HDX: variants seen among roughly 807,000 people sequenced by gnomAD.
The protein encoded by HDX is highly divergent homeobox, also known as chromosome X open reading frame 43.
In HDX, 19 loss-of-function variants were observed where a neutral mutation model predicts 45.2. The ratio of observed to expected loss-of-function variants is 0.42; its 90% CI spans 0.29 to 0.62. The LOEUF (loss-of-function observed/expected upper bound fraction) is 0.62. HDX is among the 20% of genes least tolerant of loss of function. The pLI, the probability that HDX is intolerant of heterozygous loss-of-function variation, is 0.20. For missense variants in HDX, 532 were observed against 493.9 expected, an observed-to-expected ratio of 1.08 and a Z score of -0.73; for synonymous variants, 188 against 172.8, an observed-to-expected ratio of 1.09 and a Z score of -0.69.
At position 84,374,365 on chromosome X, in the gene HDX, C is replaced by T. The variant is rs866096331; in HGVS notation, c.1306-12753G>A. The stretch of plus-strand genomic sequence containing the variant: ...TAATTTATAGATTCAATGCCATCCC[C>T]ATCAAGCTACCAATGATCTTCTTCA... On this transcript the variant is annotated intron_variant, in intron 5 of 10. Transcript: ENST00000373177. Among the ~76,000 whole-genome samples the T allele has an allele frequency of 2.0e-4, 22 of 109,641 alleles. No homozygotes were observed. In the Middle Eastern group the frequency reaches 0.019, roughly 94 times the overall value.
chrX:84,419,488 T>C (rs1480707570), intron 5 of HDX, among the ~76,000 whole-genome samples: 1 of 111,970 alleles, frequency 8.9e-6, no homozygotes. Context: ...AACTGCATCT[T>C]GGTGTCTGAG....
intron 5 of HDX, among the ~76,000 whole-genome samples, chrX:84,362,442 GT>G (rs536462643): frequency 2.8e-5 from 3 of 109,088 alleles, no homozygotes; most frequent in African/African-American, 1.0e-4. Context: ...TTTTCTAGTT[GT>G]TTTTTTTTCC....
chrX:84,494,957 G>A (rs962394436), intron 1 of HDX, among the ~76,000 whole-genome samples: 46 of 111,373 alleles, frequency 4.1e-4, no homozygotes, highest in African/African-American at 1.5e-3. Context: ...TCTATCAACA[G>A]ATGAATGGAT....
chrX:84,388,036 T>A lies in HDX; in HGVS notation c.1306-26424A>T, dbSNP rs1376910808. On this transcript the variant is annotated intron_variant, in intron 5 of 10. Coordinates refer to ENST00000373177, the MANE Select transcript of HDX (RefSeq NM_001177479.2). Reference sequence around the variant, plus strand: ...TATCATTTGCTTGTCTGAGAAGGATTTTGTTTCTTTTCTGTTTATGAAGTT... The same window carrying A: ...TATCATTTGCTTGTCTGAGAAGGATATTGTTTCTTTTCTGTTTATGAAGTT... 2.5e-4 allele frequency among the ~76,000 whole-genome samples: 28 copies of A among 111,746 alleles called. No individual in the cohort carries two copies. The Admixed American group carries it at 2.7e-3, about 11-fold the overall frequency.
chrX:84,362,847 G>A (rs2037654756), intron 5 of HDX, among the ~76,000 whole-genome samples: 1 of 111,458 alleles, frequency 9.0e-6, no homozygotes, highest in Admixed American at 9.6e-5. Context: ...AATAAAAAGG[G>A]TTACCATAGC....
At chrX:84,467,849 TAAC>T (rs2040382494) in intron 4 of HDX, among the ~76,000 whole-genome samples, 2 of 111,630 alleles carry the variant, frequency 1.8e-5, no homozygotes, top group Non-Finnish European at 3.8e-5. Flanking sequence ...AGTAAATAAA[TAAC>T]AACTATTTTA....
intron 1 of HDX, among the ~76,000 whole-genome samples, chrX:84,493,771 G>A (rs956894681): frequency 4.2e-4 from 47 of 111,351 alleles, no homozygotes; most frequent in African/African-American, 1.5e-3. Context: ...ATATCAGAAA[G>A]AATAAGTACC....
At chrX:84,418,689 T>C in intron 5 of HDX, among the ~76,000 whole-genome samples, 1 of 111,069 alleles carries the variant, frequency 9.0e-6, no homozygotes, top group East Asian at 2.9e-4. Context: ...GTAGTCTAGG[T>C]CATAAAGACT....
intron 6 of HDX, among the ~76,000 whole-genome samples, chrX:84,348,410 A>G (rs1028614440): frequency 8.9e-6 from 1 of 111,758 alleles, no homozygotes; most frequent in South Asian, 3.7e-4. Context: ...CATGTTAATC[A>G]TAGTTCTTCC....
chrX:84,455,116 A>G (rs1602488929), intron 4 of HDX, among the ~76,000 whole-genome samples: 1 of 111,601 alleles, frequency 9.0e-6, no homozygotes, highest in East Asian at 2.8e-4. Context: ...GGTACAAACA[A>G]GCCCAGACAG....
chrX:84,469,232 T>C lies in HDX; in HGVS notation c.491A>G (p.Asn164Ser). The C allele has an allele frequency of 8.3e-7, 1 of 1,210,574 alleles. No individual in the cohort carries two copies. The highest frequency in any genetic ancestry group is 1.8e-5 in the South Asian group (1 of 56,965). ...TTTTTCACCTAGGAGTAGGGAAGCA[T>C]TTTTACAGTGTGCTACTTGTCTTTG... ...PVQRQVAHCK[N>S]ASLLLGEKTI... Residue 164 changes from asparagine (N) to serine (S), a missense_variant, in exon 4 of 11, where the codon AAT becomes AGT. This residue lies in a region of HDX where 376 missense variants were observed against 343.7 expected (regional missense o/e 1.09). Coordinates refer to ENST00000373177, the MANE Select transcript of HDX (RefSeq NM_001177479.2).
chrX:84,460,321 C>A (rs143713906), intron 4 of HDX, among the ~76,000 whole-genome samples: 1 of 111,458 alleles, frequency 9.0e-6, no homozygotes, highest in Non-Finnish European at 1.9e-5. Context: ...ATCATAAGAA[C>A]AGATTAAAAA....
intron 5 of HDX, among the ~76,000 whole-genome samples, chrX:84,436,904 T>C (rs2039650012): frequency 9.0e-6 from 1 of 110,698 alleles, no homozygotes; most frequent in Non-Finnish European, 1.9e-5. Context: ...TTAATTTTCT[T>C]TCTAGATGAT....
chrX:84,438,874 G>T (rs749288403), intron 5 of HDX, among the ~76,000 whole-genome samples: 1 of 111,284 alleles, frequency 9.0e-6, no homozygotes, highest in East Asian at 2.9e-4. Flanking sequence ...ATGATAGAAT[G>T]AATTATTTTC....
At chrX:84,348,994 C>A (rs2147812062) in intron 6 of HDX, among the ~76,000 whole-genome samples, 1 of 111,543 alleles carries the variant, frequency 9.0e-6, no homozygotes, top group African/African-American at 3.3e-5. Flanking sequence ...CTGATACAGC[C>A]TCTGGGAGTA....
chrX:84,492,284 TTTTGTTTG>T (rs200262241), intron 1 of HDX, among the ~76,000 whole-genome samples: 1 of 110,604 alleles, frequency 9.0e-6, no homozygotes, highest in South Asian at 3.8e-4. Flanking sequence ...TTTTTTCTGT[TTTTGTTTG>T]TTTGTTTGTT....
chrX:84,343,360 T>A (rs1195020679), intron 7 of HDX, among the ~76,000 whole-genome samples: 2 of 111,139 alleles, frequency 1.8e-5, no homozygotes, highest in Non-Finnish European at 3.8e-5. Flanking sequence ...GCTCAAGTGA[T>A]CCTCTCACCT....
At chrX:84,375,306 A>T (rs1348134068) in intron 5 of HDX, among the ~76,000 whole-genome samples, 2 of 110,999 alleles carry the variant, frequency 1.8e-5, no homozygotes, top group African/African-American at 3.3e-5. Flanking sequence ...GGGACTGTAA[A>T]CTAGTTCAAC....
At chrX:84,464,456 T>C (rs1000944902) in intron 4 of HDX, among the ~76,000 whole-genome samples, 5 of 111,535 alleles carry the variant, frequency 4.5e-5, no homozygotes, top group African/African-American at 1.6e-4. Context: ...CAAAACAGCA[T>C]GGTACTGGTA....
Sources: gnomAD v4.1 joint callset for allele counts (sites outside exome capture counted in the v4.1 genomes callset) on GRCh38, gnomAD v4.1.1 for gene constraint, gnomAD v4.1.1 regional missense constraint, MANE v1.5 for transcripts, NCBI Gene and HGNC (gene_info 2026-07-23, HGNC 2026-07-21) for gene names.